CNTN5: variants seen among roughly 807,000 people sequenced by gnomAD.
CNTN5 encodes the protein contactin 5.
In CNTN5, 77 loss-of-function variants were observed where a neutral mutation model predicts 129.1. The observed-to-expected ratio is 0.60, with a 90% CI of 0.50 to 0.72. The LOEUF is 0.72. Ranked by LOEUF, CNTN5 falls within the 30% of genes least tolerant of loss-of-function variation. The probability of loss-of-function intolerance (pLI) is 0.00; values close to 1 mark genes in which losing one functional copy is unlikely to be tolerated. For missense variants in CNTN5, 1,478 were observed against 1,328.8 expected (o/e 1.11, Z -1.75); for synonymous variants, 509 against 465.6 (o/e 1.09, Z -1.20).
intron 21 of CNTN5, among the ~76,000 whole-genome samples, chr11:100,312,546 A>G (rs1477408604): frequency 6.6e-6 from 1 of 152,048 alleles, no homozygotes; most frequent in Non-Finnish European, 1.5e-5. Flanking sequence ...GTTTACTTTT[A>G]TCCCTCTTTT....
chr11:99,463,148 A>AAATAAATAAAT (rs756861193), intron 2 of CNTN5, among the ~76,000 whole-genome samples: 6,281 of 67,350 alleles, frequency 0.093, 186 homozygotes, highest in Admixed American at 0.16. Context: ...AATAAATAAA[A>AAATAAATAAAT]GTAAAAAAGT....
At chr11:100,117,901 A>G (rs948186903) in intron 13 of CNTN5, among the ~76,000 whole-genome samples, 1 of 151,862 alleles carries the variant, frequency 6.6e-6, no homozygotes, top group African/African-American at 2.4e-5. Context: ...ATCTTGGGCT[A>G]TTTGTCTCAT....
At chr11:100,146,931 C>A (rs1946869321) in intron 13 of CNTN5, among the ~76,000 whole-genome samples, 1 of 152,146 alleles carries the variant, frequency 6.6e-6, no homozygotes, top group African/African-American at 2.4e-5. Flanking sequence ...CCATTTTCAT[C>A]ATTGCCTATA....
At chr11:99,530,607 T>A (rs1157126077) in intron 2 of CNTN5, among the ~76,000 whole-genome samples, 1 of 152,150 alleles carries the variant, frequency 6.6e-6, no homozygotes, top group African/African-American at 2.4e-5. Flanking sequence ...GTTGGCTGTG[T>A]CCCCACCCAA....
At chr11:99,331,260 C>T (rs369961182) in intron 2 of CNTN5, among the ~76,000 whole-genome samples, 10 of 151,940 alleles carry the variant, frequency 6.6e-5, no homozygotes, top group East Asian at 1.9e-4. Flanking sequence ...GATGTGATAC[C>T]GAAGACCAGT....
chr11:99,355,821 G>GT (rs386756715), intron 2 of CNTN5, among the ~76,000 whole-genome samples: 3,145 of 130,904 alleles, frequency 0.024, 43 homozygotes, highest in East Asian at 0.053. Flanking sequence ...GTTTTTTTTT[G>GT]TTTTTTTTTT....
intron 13 of CNTN5, among the ~76,000 whole-genome samples, chr11:100,131,600 T>A (rs1946380805): frequency 6.6e-6 from 1 of 150,482 alleles, no homozygotes; most frequent in Admixed American, 6.6e-5. Flanking sequence ...CAACAGAGAG[T>A]ATAAATGAAA....
intron 6 of CNTN5, among the ~76,000 whole-genome samples, chr11:99,849,144 C>T (rs964555785): frequency 6.6e-6 from 1 of 151,422 alleles, no homozygotes; most frequent in Non-Finnish European, 1.5e-5. Flanking sequence ...TTAAGTTATC[C>T]ATATACTAAC....
Position 99,734,489 on chromosome 11 carries a change from G to A in CNTN5, c.56-85055G>A, listed in dbSNP as rs115111021. On this transcript the variant is annotated intron_variant, in intron 3 of 24. Coordinates refer to ENST00000524871, the MANE Select transcript of CNTN5 (RefSeq NM_014361.4). ...AGGGGTCAGCAATTTCACTGAAGCT[G>A]AGTCATTTGTCATAAGTGACTCCAT... Among the ~76,000 whole-genome samples, 540 of 152,216 alleles carry A rather than the reference G, an allele frequency of 3.5e-3. 5 individuals carry two copies. The highest frequency in any genetic ancestry group is 0.012 in the African/African-American group (517 of 41,554).
At chr11:99,217,134 C>T (rs555055712) in intron 1 of CNTN5, among the ~76,000 whole-genome samples, 2 of 152,200 alleles carry the variant, frequency 1.3e-5, no homozygotes, top group South Asian at 2.1e-4. Context: ...GAGCCAAGAT[C>T]GCACCACTGC....
chr11:99,248,412 G>T (rs140321971), intron 1 of CNTN5, among the ~76,000 whole-genome samples: 8,638 of 151,920 alleles, frequency 0.057, 782 homozygotes, highest in African/African-American at 0.19. Flanking sequence ...TTCTGTAGGT[G>T]GCCTGTTCAC....
intron 2 of CNTN5, among the ~76,000 whole-genome samples, chr11:99,480,708 AT>A (rs1465538921): frequency 6.6e-6 from 1 of 151,812 alleles, no homozygotes. Context: ...ATGTATAGTC[AT>A]TTTTTTTGTT....
chr11:99,251,198 A>G (rs1194600805), intron 1 of CNTN5, among the ~76,000 whole-genome samples: 1 of 151,910 alleles, frequency 6.6e-6, no homozygotes, highest in East Asian at 1.9e-4. Flanking sequence ...CAGGTTATTT[A>G]TATGTTTTAT....
At chr11:99,624,580 T>C (rs1565360796) in intron 3 of CNTN5, among the ~76,000 whole-genome samples, 1 of 152,176 alleles carries the variant, frequency 6.6e-6, no homozygotes, top group Non-Finnish European at 1.5e-5. Context: ...GAACAAGTTT[T>C]TGCTTTAGTC....
intron 1 of CNTN5, among the ~76,000 whole-genome samples, chr11:99,041,494 C>T (rs1020660690): frequency 6.6e-6 from 1 of 152,196 alleles, no homozygotes; most frequent in Non-Finnish European, 1.5e-5. Context: ...CAATTTAACT[C>T]ATCTTTTTAT....
rs571487208 is a variant in CNTN5 at position 99,695,512 on chromosome 11, A to G, written c.56-124032A>G. ...AGTAGCAGAAGCTGACTTTTATACA[A>G]TTTTAGGAATGAGTATAAAATATTT... On this transcript the variant is annotated intron_variant, in intron 3 of 24. Transcript: ENST00000524871. Among the ~76,000 whole-genome samples, 21 of 152,222 alleles carry G rather than the reference A, an allele frequency of 1.4e-4. No homozygotes were observed. The South Asian group carries it at 1.9e-3, about 14-fold the overall frequency.
chr11:99,734,978 G>A (rs967401387), intron 3 of CNTN5, among the ~76,000 whole-genome samples: 10 of 151,836 alleles, frequency 6.6e-5, no homozygotes, highest in African/African-American at 2.4e-4. Flanking sequence ...ACTGCAGTCC[G>A]CCCTGGGGGA....
intron 2 of CNTN5, among the ~76,000 whole-genome samples, chr11:99,382,234 G>C (rs970205824): frequency 5.3e-5 from 8 of 152,084 alleles, no homozygotes; most frequent in African/African-American, 1.9e-4. Flanking sequence ...TTGTACCCTA[G>C]AGGAAGCATA....
chr11:99,485,328 ACTATT>A (rs1052678097), intron 2 of CNTN5, among the ~76,000 whole-genome samples: 3 of 152,022 alleles, frequency 2.0e-5, no homozygotes, highest in African/African-American at 7.2e-5. Flanking sequence ...GGGGAATAGA[ACTATT>A]CTATATGTTA....
Sources: allele counts gnomAD v4.1 joint callset (sites outside exome capture counted in the v4.1 genomes callset), GRCh38; gene constraint gnomAD v4.1.1; transcripts MANE v1.5; gene names NCBI Gene and HGNC (gene_info 2026-07-23, HGNC 2026-07-21).